The following GNA12 variants were observed in gnomAD, a reference collection of about 807,000 sequenced individuals.
The protein encoded by GNA12 is guanine nucleotide-binding protein subunit alpha-12.
A neutral mutation model predicts 26.0 loss-of-function variants in GNA12; 9 were observed. The ratio of observed to expected loss-of-function variants is 0.35; its 90% CI spans 0.21 to 0.60. GNA12 has a LOEUF of 0.60. GNA12 is among the 20% of genes least tolerant of loss of function. The pLI, the probability that GNA12 is intolerant of heterozygous loss-of-function variation, is 0.78. For missense variants in GNA12, 405 were observed against 525.8 expected, an observed-to-expected ratio of 0.77 and a Z score of 2.25; for synonymous variants, 264 against 219.6, an observed-to-expected ratio of 1.20 and a Z score of -1.79.
At chr7:2,778,037 G>A (rs899182739) in intron 2 of GNA12, among the ~76,000 whole-genome samples, 4 of 152,198 alleles carry the variant, frequency 2.6e-5, no homozygotes, top group Admixed American at 6.5e-5. Context: ...CACATCACAG[G>A]AATGTCTCCG....
chr7:2,839,859 C>T (rs774525667), intron 1 of GNA12, among the ~76,000 whole-genome samples: 14 of 152,050 alleles, frequency 9.2e-5, no homozygotes, highest in Non-Finnish European at 1.9e-4. Flanking sequence ...ATTAGCTGGA[C>T]GTGGTGGTGG....
intron 2 of GNA12, among the ~76,000 whole-genome samples, chr7:2,736,917 AC>A (rs1387708136): frequency 2.0e-5 from 3 of 152,118 alleles, no homozygotes; most frequent in African/African-American, 7.2e-5. Context: ...AGATCATTCA[AC>A]CCTGCACAGG....
chr7:2,790,974 T>C (rs1264424920), intron 2 of GNA12, among the ~76,000 whole-genome samples: 1 of 131,012 alleles, frequency 7.6e-6, no homozygotes, highest in African/African-American at 2.9e-5. Flanking sequence ...ATTGTCCCTT[T>C]AAAAAAAAAA....
intron 1 of GNA12, among the ~76,000 whole-genome samples, chr7:2,798,712 A>G (rs566626097): frequency 1.8e-4 from 27 of 152,374 alleles, no homozygotes; most frequent in African/African-American, 6.5e-4. Flanking sequence ...TTTGAAAAAG[A>G]AAAGTGGGAA....
At chr7:2,761,779 G>A (rs372258604) in intron 2 of GNA12, among the ~76,000 whole-genome samples, 3 of 152,194 alleles carry the variant, frequency 2.0e-5, no homozygotes, top group East Asian at 3.9e-4. Flanking sequence ...GGCACTTCAC[G>A]TTCATTAAAA....
chr7:2,826,614 GAAAT>G lies in GNA12; in HGVS notation c.309+17235_309+17238del, dbSNP rs1339783964. Among the ~76,000 whole-genome samples, 5 of 152,148 alleles carry G rather than the reference GAAAT, an allele frequency of 3.3e-5. No individual in the cohort carries two copies. In the East Asian group the frequency reaches 9.6e-4, roughly 29 times the overall value. ...AAGGTATACAACTCCATAATGAAAAGAAATAAACTAACATGCCACGGAAAGACAC... is the reference window on the plus strand; with the variant it reads ...AAGGTATACAACTCCATAATGAAAAGAAACTAACATGCCACGGAAAGACAC... On this transcript the variant is annotated intron_variant, in intron 1 of 3. Coordinates refer to ENST00000275364, the MANE Select transcript of GNA12 (RefSeq NM_007353.3).
At chr7:2,736,908 G>A (rs78202748) in intron 2 of GNA12, among the ~76,000 whole-genome samples, 81 of 152,330 alleles carry the variant, frequency 5.3e-4, no homozygotes, top group African/African-American at 1.8e-3. Flanking sequence ...AAGAGCTTCA[G>A]ATCATTCAAC....
At chr7:2,770,816 G>A (rs1194947647) in intron 2 of GNA12, among the ~76,000 whole-genome samples, 1 of 152,168 alleles carries the variant, frequency 6.6e-6, no homozygotes, top group African/African-American at 2.4e-5. Flanking sequence ...GAAACCGAAT[G>A]CCCCTTCACT....
intron 2 of GNA12, among the ~76,000 whole-genome samples, chr7:2,787,218 A>C (rs1792385096): frequency 6.6e-6 from 1 of 152,290 alleles, no homozygotes; most frequent in East Asian, 1.9e-4. Context: ...GGGTGTCTGG[A>C]AACTGATGGC....
chr7:2,793,048 C>G (rs533077151), intron 2 of GNA12, among the ~76,000 whole-genome samples: 1 of 152,218 alleles, frequency 6.6e-6, no homozygotes, highest in African/African-American at 2.4e-5. Flanking sequence ...CAGGGCTCAA[C>G]GGCACGCCTG....
rs560848657 is a variant in GNA12 at position 2,844,244 on chromosome 7, C to A, written c.-83G>T. The A allele has an allele frequency of 9.7e-3, 6,091 of 629,484 alleles. 35 individuals carry two copies. Among genetic ancestry groups the A allele is most frequent in the Non-Finnish European group, 0.011 (5,548 of 507,000 alleles). The allele number at this position is 629,484 out of a possible 1,614,324, so 39.0% of individuals were successfully genotyped here. On this transcript the variant is annotated 5_prime_UTR_variant, in exon 1 of 4. Coordinates refer to ENST00000275364, the MANE Select transcript of GNA12 (RefSeq NM_007353.3). ...CGGCGAGGGCGAGCCCGGGCCGAGGCACCGCCCCACGCCCCGCCGCTCGCC... is the reference window on the plus strand; with the variant it reads ...CGGCGAGGGCGAGCCCGGGCCGAGGAACCGCCCCACGCCCCGCCGCTCGCC...
At chr7:2,792,223 T>C (rs573203966) in intron 2 of GNA12, among the ~76,000 whole-genome samples, 2 of 152,312 alleles carry the variant, frequency 1.3e-5, no homozygotes, top group Middle Eastern at 3.4e-3. Flanking sequence ...AGGTGATCCA[T>C]GAATGCAGAA....
At chr7:2,759,836 G>C (rs141690815) in intron 2 of GNA12, among the ~76,000 whole-genome samples, 1 of 152,150 alleles carries the variant, frequency 6.6e-6, no homozygotes, top group African/African-American at 2.4e-5. Flanking sequence ...AACGGGTGCA[G>C]ATGCCGTCCA....
intron 1 of GNA12, among the ~76,000 whole-genome samples, chr7:2,816,156 G>GT (rs1231202308): frequency 1.4e-4 from 21 of 152,168 alleles, no homozygotes; most frequent in Non-Finnish European, 2.9e-5. Flanking sequence ...AGCAATTATG[G>GT]TAAGTAATGT....
chr7:2,774,527 G>A lies in GNA12; in HGVS notation c.525+20401C>T, dbSNP rs113781673. 6.8e-3 allele frequency among the ~76,000 whole-genome samples: 1,032 copies of A among 152,310 alleles called. 13 individuals are homozygous for A. Among genetic ancestry groups the A allele is most frequent in the African/African-American group, 0.023 (970 of 41,546 alleles). Reference sequence around the variant, plus strand: ...TGCAGGGAGCAGCAGGAAGGCCAGTGCGCCTGCAGCAGTGACAGAGAGGAG... The same window carrying A: ...TGCAGGGAGCAGCAGGAAGGCCAGTACGCCTGCAGCAGTGACAGAGAGGAG... On this transcript the variant is annotated intron_variant, in intron 2 of 3. Transcript: ENST00000275364.
chr7:2,796,745 CT>C (rs1263621562), intron 1 of GNA12, among the ~76,000 whole-genome samples: 2 of 152,152 alleles, frequency 1.3e-5, no homozygotes, highest in African/African-American at 4.8e-5. Flanking sequence ...TGTTCTGCCC[CT>C]TCTTACCTCA....
chr7:2,731,542 A>T lies in GNA12; in HGVS notation c.785T>A (p.Met262Lys). The change falls in exon 4 of 4, where the codon ATG (methionine) becomes AAG (lysine). Residue 262 changes from methionine to lysine, a missense_variant. Coordinates refer to ENST00000275364, the MANE Select transcript of GNA12 (RefSeq NM_007353.3). This position sits in a 1 kb window ranked among gnomAD's most constrained non-coding sequence, Gnocchi z 6.0. ...CAGCCGGTTGGTGCGCCTGTCCTCC[A>T]TGAGGACCTGGTCGTACTCGCTGGA... ...VSSSEYDQVL[M>K]EDRRTNRLVE... is the part of the protein sequence containing the mutation. The T allele has an allele frequency of 6.2e-7, 1 of 1,611,336 alleles. No homozygotes were observed. The highest frequency in any genetic ancestry group is 8.5e-7 in the Non-Finnish European group (1 of 1,178,024).
rs201069259 is a variant in GNA12 at position 2,814,907 on chromosome 7, C to G, written c.310-19764G>C. 340 of 1,600,224 alleles carry G rather than the reference C, an allele frequency of 2.1e-4. 1 individual carries two copies. The highest frequency in any genetic ancestry group is 1.0e-3 in the African/African-American group (76 of 74,568). On this transcript the variant is annotated intron_variant, in intron 1 of 3. Coordinates refer to ENST00000275364, the MANE Select transcript of GNA12 (RefSeq NM_007353.3). ...TGCCAGGCATCCTTGCTAGGCACGGCCTGGGAAACATTCTCCGTTTCATTT... is the reference window on the plus strand; with the variant it reads ...TGCCAGGCATCCTTGCTAGGCACGGGCTGGGAAACATTCTCCGTTTCATTT...
At chr7:2,839,111 A>G (rs1489156466) in intron 1 of GNA12, among the ~76,000 whole-genome samples, 1 of 152,368 alleles carries the variant, frequency 6.6e-6, no homozygotes, top group East Asian at 1.9e-4. Context: ...ACATCTGCCA[A>G]ATAGACCGTA....
Sources: allele counts gnomAD v4.1 joint callset (sites outside exome capture counted in the v4.1 genomes callset), GRCh38; gene constraint gnomAD v4.1.1; non-coding constraint Gnocchi (gnomAD v3.1); transcripts MANE v1.5; gene names NCBI Gene and HGNC (gene_info 2026-07-23, HGNC 2026-07-21).